The following ADAM18 variants were observed in gnomAD, a reference collection of about 807,000 sequenced individuals.
ADAM18 encodes the protein ADAM metallopeptidase domain 18.
Under a neutral mutation model 94.4 loss-of-function variants are expected in ADAM18, and 117 were observed. The ratio of observed to expected loss-of-function variants is 1.24; its 90% CI spans 1.07 to 1.45. ADAM18 has a LOEUF of 1.45. Among genes scored for constraint, ADAM18 ranks in the 40% most tolerant of loss-of-function variants. ADAM18 has a pLI of 0.00. For synonymous variants in ADAM18, 327 were observed against 291.6 expected (o/e 1.12, Z -1.24); for missense variants, 936 against 880.0 (o/e 1.06, Z -0.81).
At chr8:39,668,886 G>T (rs1049168592) in intron 14 of ADAM18, among the ~76,000 whole-genome samples, 2 of 151,960 alleles carry the variant, frequency 1.3e-5, no homozygotes, top group African/African-American at 4.8e-5. Flanking sequence ...AATATAATTT[G>T]TACCAAATTA....
intron 5 of ADAM18, among the ~76,000 whole-genome samples, chr8:39,610,088 C>G (rs1819221465): frequency 1.3e-5 from 2 of 152,176 alleles, no homozygotes; most frequent in South Asian, 4.1e-4. Flanking sequence ...TTTCAATTGC[C>G]TGATTTCCAG....
chr8:39,654,859 A>T (rs188735513), intron 12 of ADAM18, among the ~76,000 whole-genome samples: 2 of 151,674 alleles, frequency 1.3e-5, no homozygotes, highest in Admixed American at 1.3e-4. Context: ...AGTGCAGGGG[A>T]TTTTTGTCCA....
intron 16 of ADAM18, among the ~76,000 whole-genome samples, chr8:39,691,238 G>A (rs577860202): frequency 3.2e-4 from 49 of 152,162 alleles, no homozygotes; most frequent in African/African-American, 1.0e-3. Context: ...ATCAATTAAT[G>A]TAATTCACTG....
intron 2 of ADAM18, among the ~76,000 whole-genome samples, chr8:39,596,942 A>T (rs1818759321): frequency 6.6e-6 from 1 of 152,156 alleles, no homozygotes; most frequent in Non-Finnish European, 1.5e-5. Context: ...TTTTTAGAGC[A>T]GTATTAGGTT....
rs776241534 is a variant in ADAM18, at chr8:39,618,625, GA to G, written c.522+7922del. Reference sequence around the variant, plus strand: ...TGAAGCTAGACAACCGGTTAGACCAGAAATTCTCAGAAGGGAGTATGCCTTA... The same window carrying G: ...TGAAGCTAGACAACCGGTTAGACCAGAATTCTCAGAAGGGAGTATGCCTTA... On this transcript the variant is annotated intron_variant, in intron 6 of 19. Transcript: ENST00000265707. Among the ~76,000 whole-genome samples, 4 of 152,162 alleles carry G rather than the reference GA, an allele frequency of 2.6e-5. No individual in the cohort carries two copies. The East Asian group carries it at 5.8e-4, about 22-fold the overall frequency.
At chr8:39,600,375 T>A (rs1354149585) in intron 2 of ADAM18, among the ~76,000 whole-genome samples, 1 of 152,210 alleles carries the variant, frequency 6.6e-6, no homozygotes, top group African/African-American at 2.4e-5. Flanking sequence ...TGATTTATAT[T>A]TTAATTTGAT....
intron 17 of ADAM18, among the ~76,000 whole-genome samples, chr8:39,693,387 C>A (rs1821834809): frequency 6.6e-6 from 1 of 151,098 alleles, no homozygotes; most frequent in Non-Finnish European, 1.5e-5. Flanking sequence ...AGAAAATAGC[C>A]ACATTTTAAT....
chr8:39,713,650 C>T (rs991115422), intron 18 of ADAM18, among the ~76,000 whole-genome samples: 1 of 152,160 alleles, frequency 6.6e-6, no homozygotes, highest in African/African-American at 2.4e-5. Context: ...AGACACTTCT[C>T]AAAAGAAGCC....
chr8:39,677,453 C>T lies in ADAM18; in HGVS notation c.1548C>T (p.Ala516=), dbSNP rs1821329578. ...AAGGTGCTCAAGGTGCTCCATTTGC[C>T]TGTTTTAAAGAAGTTAATTCTCTGC... is the stretch of plus-strand genomic sequence containing the variant. ...FGKGAQGAPF[A]CFKEVNSLHE... The change falls in exon 15 of 20, where the codon GCC becomes GCT. Residue 516 remains alanine (A), a synonymous_variant. Coordinates refer to ENST00000265707, the MANE Select transcript of ADAM18 (RefSeq NM_014237.3). 1 of 1,607,744 alleles carries T rather than the reference C, an allele frequency of 6.2e-7. No homozygotes were observed. The highest frequency in any genetic ancestry group is 2.2e-5 in the East Asian group (1 of 44,522).
In ADAM18 at chr8:39,638,541, G is replaced by A. The variant is rs975362430; in HGVS notation, c.904G>A (p.Ala302Thr). Residue 302 changes from alanine (A) to threonine (T), a missense_variant, in exon 10 of 20, where the codon GCT becomes ACT. Coordinates refer to ENST00000265707, the MANE Select transcript of ADAM18 (RefSeq NM_014237.3). The part of the protein sequence containing the change: ...VCNKSYDAGI[A>T]MYPDAIGLEG... The stretch of plus-strand genomic sequence containing the variant: ...CAATAAAAGCTATGATGCAGGTATT[G>A]CTATGGTATGTAATTTTTATTCTTC... 1 of 1,547,856 alleles carries A rather than the reference G, an allele frequency of 6.5e-7. No homozygotes were observed. The highest frequency in any genetic ancestry group is 8.7e-7 in the Non-Finnish European group (1 of 1,143,672).
intron 17 of ADAM18, among the ~76,000 whole-genome samples, 189 bp downstream of exon 17, chr8:39,692,869 A>C (rs1365868073): frequency 1.3e-5 from 2 of 151,698 alleles, no homozygotes; most frequent in Non-Finnish European, 3.0e-5. Context: ...ATTGAACTGT[A>C]AGCAGTCACA....
At chr8:39,585,935 T>C (rs952976041) in intron 2 of ADAM18, among the ~76,000 whole-genome samples, 2 of 152,198 alleles carry the variant, frequency 1.3e-5, no homozygotes, top group Non-Finnish European at 2.9e-5. Context: ...GTCTTGCATG[T>C]TTTCTTGATT....
chr8:39,640,708 A>G (rs1820214181), intron 10 of ADAM18, among the ~76,000 whole-genome samples: 3 of 152,072 alleles, frequency 2.0e-5, no homozygotes, highest in African/African-American at 4.8e-5. Flanking sequence ...TTGACTTTTT[A>G]ATAATAGCAA....
chr8:39,612,820 G>A (rs550160026), intron 6 of ADAM18, among the ~76,000 whole-genome samples: 1 of 152,132 alleles, frequency 6.6e-6, no homozygotes, highest in South Asian at 2.1e-4. Context: ...AGCAGACCCT[G>A]CCTAACCATT....
chr8:39,640,226 T>C (rs1390844455), intron 10 of ADAM18, among the ~76,000 whole-genome samples: 1 of 152,078 alleles, frequency 6.6e-6, no homozygotes, highest in Non-Finnish European at 1.5e-5. Flanking sequence ...TGTTCCCCCA[T>C]GTGTCCATGT....
chr8:39,611,252 T>G (rs1026028699), intron 6 of ADAM18: 3 of 502,540 alleles, frequency 6.0e-6, no homozygotes, highest in Middle Eastern at 1.0e-3. Context: ...CAAAATGAGT[T>G]GCTTCTCTTT....
intron 2 of ADAM18, among the ~76,000 whole-genome samples, chr8:39,600,887 G>T (rs1818882958): frequency 6.6e-6 from 1 of 152,154 alleles, no homozygotes; most frequent in Non-Finnish European, 1.5e-5. Context: ...ATTCCTATTT[G>T]TATTAGTCTG....
Position 39,712,032 on chromosome 8 carries a change from G to GCC in ADAM18, c.2017+5136_2017+5137dup, listed in dbSNP as rs60787071. Among the ~76,000 whole-genome samples the GCC allele has an allele frequency of 5.5e-3, 738 of 134,516 alleles. 7 individuals are homozygous for GCC. Among genetic ancestry groups the GCC allele is most frequent in the Admixed American group, 0.013 (175 of 13,556 alleles). 88.2% of individuals were successfully genotyped at this position (134,516 alleles called of 152,430 possible). A position where few individuals can be genotyped will look rare whatever the true frequency, so the allele number is the denominator to read the frequency against. ...AAATGGTCAACTAAAATCAGAGAAG[G>GCC]CCCCCCCCCGAGAAAAAAACAGTGA... On this transcript the variant is annotated intron_variant, in intron 18 of 19. Coordinates refer to ENST00000265707, the MANE Select transcript of ADAM18 (RefSeq NM_014237.3).
intron 3 of ADAM18, among the ~76,000 whole-genome samples, chr8:39,608,430 T>G (rs1819158362): frequency 6.6e-6 from 1 of 151,926 alleles, no homozygotes; most frequent in Non-Finnish European, 1.5e-5. Flanking sequence ...ATAGTCTGTC[T>G]TCATCACTCC....
Sources: allele counts gnomAD v4.1 joint callset (sites outside exome capture counted in the v4.1 genomes callset), GRCh38; gene constraint gnomAD v4.1.1; transcripts MANE v1.5; gene names NCBI Gene and HGNC (gene_info 2026-07-23, HGNC 2026-07-21).